Variants in TSHZ2 observed in about 807,000 individuals in gnomAD.
TSHZ2 encodes teashirt zinc finger homeobox 2, also known as teashirt homolog 2.
In TSHZ2, 21 loss-of-function variants were observed where a neutral mutation model predicts 74.4. That is an observed-to-expected ratio of 0.28 (90% CI 0.20 to 0.41). The LOEUF is 0.41. TSHZ2 is among the 10% of genes least tolerant of loss of function. The pLI is 1.00. For synonymous variants in TSHZ2, 540 were observed against 515.3 expected, an observed-to-expected ratio of 1.05 and a Z score of -0.65; for missense variants, 1,244 against 1,293.5, an observed-to-expected ratio of 0.96 and a Z score of 0.59.
intron 1 of TSHZ2, chr20:53,196,299 T>G (rs1022498631): frequency 6.7e-6 from 1 of 149,346 alleles, no homozygotes; most frequent in African/African-American, 2.5e-5. Flanking sequence ...CCTAGAATAA[T>G]TGTACATTTC....
At chr20:53,025,784 C>T (rs1983416631) in intron 1 of TSHZ2, among the ~76,000 whole-genome samples, 1 of 152,204 alleles carries the variant, frequency 6.6e-6, no homozygotes, top group Admixed American at 6.5e-5. Context: ...ACACAGGCCC[C>T]CAAAGGGAGA....
chr20:52,989,635 C>A (rs953716503), intron 1 of TSHZ2, among the ~76,000 whole-genome samples: 5 of 152,080 alleles, frequency 3.3e-5, no homozygotes, highest in Admixed American at 6.6e-5. Flanking sequence ...TTATTACATA[C>A]TCAGAACAAC....
At chr20:53,422,638 C>T (rs935377912) in intron 2 of TSHZ2, among the ~76,000 whole-genome samples, 12 of 152,136 alleles carry the variant, frequency 7.9e-5, no homozygotes, top group African/African-American at 2.4e-4. Flanking sequence ...CAAACACACC[C>T]GCCGGCCAGG....
At chr20:53,182,036 G>T (rs995334648) in intron 1 of TSHZ2, among the ~76,000 whole-genome samples, 5 of 152,146 alleles carry the variant, frequency 3.3e-5, no homozygotes, top group Admixed American at 6.5e-5. Context: ...ATCAGTCCAT[G>T]TTGCCCCATC....
At chr20:53,449,785 T>C (rs1482448116) in intron 2 of TSHZ2, among the ~76,000 whole-genome samples, 1 of 152,248 alleles carries the variant, frequency 6.6e-6, no homozygotes, top group African/African-American at 2.4e-5. Flanking sequence ...ATGGGTCTGC[T>C]TCTCCCACCA....
chr20:53,395,836 TAAAAG>T (rs992664265), intron 2 of TSHZ2, among the ~76,000 whole-genome samples: 10 of 152,312 alleles, frequency 6.6e-5, no homozygotes, highest in Middle Eastern at 3.4e-3. Flanking sequence ...TATGGAATGT[TAAAAG>T]AAGAGGGAGC....
intron 1 of TSHZ2, among the ~76,000 whole-genome samples, chr20:53,228,609 G>A (rs994346498): frequency 2.6e-5 from 4 of 151,466 alleles, no homozygotes; most frequent in South Asian, 2.1e-4. Context: ...ACCACCTCCC[G>A]AGTTGAGACA....
intron 1 of TSHZ2, among the ~76,000 whole-genome samples, chr20:53,241,950 C>T (rs1309741153): frequency 5.3e-5 from 8 of 152,096 alleles, no homozygotes; most frequent in Non-Finnish European, 1.2e-4. Context: ...TAGGCTGATG[C>T]AAAAGTAATT....
chr20:53,420,086 T>C (rs1393070747), intron 2 of TSHZ2, among the ~76,000 whole-genome samples: 1 of 152,234 alleles, frequency 6.6e-6, no homozygotes, highest in Non-Finnish European at 1.5e-5. Flanking sequence ...AGTCTACAGA[T>C]GGACGTAAAT....
Position 53,256,249 on chromosome 20 carries a change from T to C in TSHZ2, c.2791T>C (p.Cys931Arg), listed in dbSNP as rs756503534. ...KGHPIFYCSD[C>R]ASQFRTPSTY... is the part of the protein sequence containing the mutation. Reference sequence around the variant, plus strand: ...CCACCCCATCTTTTATTGCAGTGACTGTGCCTCCCAGTTCAGAACCCCTTC... The same window carrying C: ...CCACCCCATCTTTTATTGCAGTGACCGTGCCTCCCAGTTCAGAACCCCTTC... The change falls in exon 2 of 3, where the codon TGT (cysteine) becomes CGT (arginine). Residue 931 changes from cysteine to arginine, a missense_variant. Coordinates refer to ENST00000371497, the MANE Select transcript of TSHZ2 (RefSeq NM_173485.6). The surrounding 1 kb of genome is among the most constrained non-coding windows in gnomAD (Gnocchi z 4.3). 6.2e-7 allele frequency: 1 copy of C among 1,614,044 alleles called. No individual in the cohort carries two copies. Among genetic ancestry groups the C allele is most frequent in the South Asian group, 1.1e-5 (1 of 91,072 alleles).
intron 1 of TSHZ2, among the ~76,000 whole-genome samples, chr20:53,171,848 T>A (rs1477913044): frequency 6.6e-6 from 1 of 152,158 alleles, no homozygotes; most frequent in Non-Finnish European, 1.5e-5. Context: ...AAGGTATTGT[T>A]ACTACAAATG....
rs372519804 is a variant in TSHZ2 at position 53,254,648 on chromosome 20, C to T, written c.1190C>T (p.Thr397Ile). The T allele has an allele frequency of 1.1e-4, 171 of 1,614,038 alleles. No homozygotes were observed. Among genetic ancestry groups the T allele is most frequent in the Non-Finnish European group, 1.4e-4 (165 of 1,180,022 alleles). The stretch of plus-strand genomic sequence containing the variant: ...CATGACACCTTGCAGCAGCTCACCA[C>T]CCACATGATGGTCACAGGTCACTTT... ...SSHDTLQQLTTHMMVTGHFLK... is the reference protein window; with the variant it reads ...SSHDTLQQLTIHMMVTGHFLK... Residue 397 changes from threonine to isoleucine, a missense_variant, in exon 2 of 3, where the codon ACC becomes ATC. Thr to Ile is a moderately conservative substitution (Grantham distance 89). This residue lies in a region of TSHZ2 where 18 missense variants were observed against 42.1 expected (regional missense o/e 0.43). Transcript: ENST00000371497.
chr20:53,194,488 C>A (rs1254283550), intron 1 of TSHZ2, among the ~76,000 whole-genome samples: 1 of 152,156 alleles, frequency 6.6e-6, no homozygotes, highest in African/African-American at 2.4e-5. Flanking sequence ...GGTTAGTCTC[C>A]GACTTTCAGC....
chr20:53,210,152 C>A (rs141713038), intron 1 of TSHZ2, among the ~76,000 whole-genome samples: 6 of 152,360 alleles, frequency 3.9e-5, no homozygotes, highest in African/African-American at 1.4e-4. Flanking sequence ...GGTGGGGGAG[C>A]ACGCAGACAG....
intron 2 of TSHZ2, among the ~76,000 whole-genome samples, chr20:53,307,071 C>T (rs977704057): frequency 3.3e-5 from 5 of 152,214 alleles, no homozygotes; most frequent in South Asian, 2.1e-4. Context: ...AAGCCAGAGA[C>T]GTCTCAGGCA....
At chr20:52,976,243 G>T (rs549404871) in intron 1 of TSHZ2, among the ~76,000 whole-genome samples, 1 of 152,338 alleles carries the variant, frequency 6.6e-6, no homozygotes, top group South Asian at 2.1e-4. Flanking sequence ...CAGGGGGAAG[G>T]GATGTGAGGG....
At chr20:53,436,548 A>ATT (rs11411794) in intron 2 of TSHZ2, among the ~76,000 whole-genome samples, 4 of 99,920 alleles carry the variant, frequency 4.0e-5, no homozygotes, top group South Asian at 3.8e-4. Context: ...TATTATTATT[A>ATT]TTTTTTTTTT....
rs1321095209 is a variant in TSHZ2, at chr20:53,475,789, A to G, written c.*9-11355A>G. 3.7e-4 allele frequency among the ~76,000 whole-genome samples: 48 copies of G among 129,148 alleles called. 7 individuals carry two copies. Among genetic ancestry groups the G allele is most frequent in the Middle Eastern group, 7.9e-3 (2 of 252 alleles). 84.7% of individuals were successfully genotyped at this position (129,148 alleles called of 152,430 possible). On this transcript the variant is annotated intron_variant, in intron 2 of 2. Transcript: ENST00000371497. ...AGACTAATAAAGAAGAAAAGAGAGAAGAATCAAATAGACGCAATAAAAAAT... is the reference window on the plus strand; with the variant it reads ...AGACTAATAAAGAAGAAAAGAGAGAGGAATCAAATAGACGCAATAAAAAAT...
intron 1 of TSHZ2, among the ~76,000 whole-genome samples, chr20:53,035,839 C>A (rs1983799274): frequency 6.6e-6 from 1 of 152,126 alleles, no homozygotes. Flanking sequence ...CACTTTTATA[C>A]TACAAAGATT....
Sources: allele counts gnomAD v4.1 joint callset (sites outside exome capture counted in the v4.1 genomes callset), GRCh38; gene constraint gnomAD v4.1.1; regional missense constraint gnomAD v4.1.1; non-coding constraint Gnocchi (gnomAD v3.1); transcripts MANE v1.5; gene names NCBI Gene and HGNC (gene_info 2026-07-23, HGNC 2026-07-21).